TNIK: variants seen among roughly 807,000 people sequenced by gnomAD.
TNIK encodes TRAF2 and NCK interacting kinase.
In TNIK, 49 loss-of-function variants were observed where a neutral mutation model predicts 191.3. The ratio of observed to expected loss-of-function variants is 0.26; its 90% CI spans 0.20 to 0.32. The LOEUF is 0.32. Ranked by LOEUF, TNIK falls within the 10% of genes least tolerant of loss-of-function variation. The pLI is 1.00. For synonymous variants in TNIK, 594 were observed against 600.9 expected (o/e 0.99, Z 0.17); for missense variants, 1,155 against 1,702.3 (o/e 0.68, Z 5.66).
chr3:171,445,666 C>T (rs1232764792), intron 1 of TNIK, among the ~76,000 whole-genome samples: 5 of 152,106 alleles, frequency 3.3e-5, no homozygotes, highest in Non-Finnish European at 7.4e-5. Flanking sequence ...ACAGGGTATA[C>T]GTGCGAGGGG....
chr3:171,098,712 GAGGTTTACCTTAACAAAAAATAA>G (rs1314642544), intron 22 of TNIK, among the ~76,000 whole-genome samples: 2 of 152,042 alleles, frequency 1.3e-5, no homozygotes, highest in Non-Finnish European at 2.9e-5. Context: ...ACAAAATATA[GAGGTTTACCTTAACAAAAAATAA>G]AGGTAATAAG....
At chr3:171,429,094 C>A (rs1440752174) in intron 1 of TNIK, among the ~76,000 whole-genome samples, 1 of 152,182 alleles carries the variant, frequency 6.6e-6, no homozygotes, top group Non-Finnish European at 1.5e-5. Context: ...AGATCCACAA[C>A]CACGAGCTAC....
In TNIK at chr3:171,194,509, C is replaced by G; in HGVS notation, c.417+16G>C. 1 of 1,609,244 alleles carries G rather than the reference C, an allele frequency of 6.2e-7. No individual in the cohort carries two copies. Among genetic ancestry groups the G allele is most frequent in the Non-Finnish European group, 8.5e-7 (1 of 1,176,502 alleles). Reference sequence around the variant, plus strand: ...GAAGACTTTGGGAGGTGGGCCAGTCCCCACTCGTAACCTACCCGTAAGATT... The same window carrying G: ...GAAGACTTTGGGAGGTGGGCCAGTCGCCACTCGTAACCTACCCGTAAGATT... On this transcript the variant is annotated intron_variant, in intron 5 of 32. Transcript: ENST00000436636.
intron 18 of TNIK, among the ~76,000 whole-genome samples, chr3:171,121,016 A>G (rs1454075758): frequency 6.6e-6 from 1 of 152,116 alleles, no homozygotes; most frequent in East Asian, 1.9e-4. Flanking sequence ...TGAATTAAAA[A>G]CTGATAGTAA....
intron 15 of TNIK, among the ~76,000 whole-genome samples, chr3:171,134,023 A>G (rs1241085136): frequency 6.7e-6 from 1 of 150,352 alleles, no homozygotes; most frequent in Non-Finnish European, 1.5e-5. Context: ...CTTTGGTACA[A>G]TTTTTTTTTT....
chr3:171,100,638 T>C (rs1048557868), intron 22 of TNIK, among the ~76,000 whole-genome samples: 1 of 151,240 alleles, frequency 6.6e-6, no homozygotes, highest in Non-Finnish European at 1.5e-5. Flanking sequence ...ACAAACACCT[T>C]GTGCTTACTA....
intron 1 of TNIK, among the ~76,000 whole-genome samples, chr3:171,424,122 C>T (rs1462184491): frequency 6.6e-6 from 1 of 151,990 alleles, no homozygotes; most frequent in African/African-American, 2.4e-5. Context: ...ATAATGAACT[C>T]AAACAAATTT....
At chr3:171,080,065 C>T (rs765745117) in intron 27 of TNIK, among the ~76,000 whole-genome samples, 2 of 152,128 alleles carry the variant, frequency 1.3e-5, no homozygotes, top group Middle Eastern at 3.4e-3. Flanking sequence ...TTTCCTTCAC[C>T]GTATAACCTA....
intron 3 of TNIK, 57 bp downstream of exon 3, chr3:171,228,105 CTCA>C: frequency 6.3e-7 from 1 of 1,575,762 alleles, no homozygotes; most frequent in South Asian, 1.1e-5. Flanking sequence ...AGGATGTGAA[CTCA>C]TCATAAGTCA....
intron 1 of TNIK, among the ~76,000 whole-genome samples, chr3:171,406,231 T>C (rs1419663705): frequency 6.6e-6 from 1 of 152,054 alleles, no homozygotes. Flanking sequence ...ACACATTCCG[T>C]AATCTCGGAA....
At chr3:171,113,333 C>T (rs893992507) in intron 18 of TNIK, among the ~76,000 whole-genome samples, 3 of 152,080 alleles carry the variant, frequency 2.0e-5, no homozygotes, top group Non-Finnish European at 2.9e-5. Flanking sequence ...CGGCCAGGCA[C>T]GGTGGCTCAC....
chr3:171,154,312 CA>C (rs1732880715), intron 12 of TNIK, among the ~76,000 whole-genome samples: 1 of 151,052 alleles, frequency 6.6e-6, no homozygotes, highest in Non-Finnish European at 1.5e-5. Flanking sequence ...ATTTTTTGGC[CA>C]GATAGAACTG....
intron 4 of TNIK, among the ~76,000 whole-genome samples, chr3:171,205,740 G>A (rs1739981934): frequency 5.9e-5 from 9 of 152,098 alleles, no homozygotes; most frequent in Admixed American, 5.2e-4. Context: ...AACCCTCCAT[G>A]GCTCTCCCAC....
intron 2 of TNIK, among the ~76,000 whole-genome samples, chr3:171,335,299 CTTG>C (rs1449177629): frequency 3.3e-5 from 5 of 152,232 alleles, no homozygotes; most frequent in South Asian, 2.1e-4. Context: ...TTTGTTTTTT[CTTG>C]TTGAGGTATA....
chr3:171,298,798 T>C (rs1359648480), intron 2 of TNIK, among the ~76,000 whole-genome samples: 1 of 152,204 alleles, frequency 6.6e-6, no homozygotes, highest in African/African-American at 2.4e-5. Context: ...ATCTATCCTA[T>C]CCTGAAAAAA....
In TNIK at chr3:171,246,286, TAA is replaced by T. The variant is rs1553868133; in HGVS notation, c.124-18067_124-18066del. ...ACTGACACTTGGGTAGAGAACCAGA[TAA>T]AAAAAAAAAAATGCCTTTCTATTCA... is the stretch of plus-strand genomic sequence containing the variant. On this transcript the variant is annotated intron_variant, in intron 2 of 32. Coordinates refer to ENST00000436636, the MANE Select transcript of TNIK (RefSeq NM_015028.4). 2.6e-3 allele frequency among the ~76,000 whole-genome samples: 296 copies of T among 112,966 alleles called. 1 individual carries two copies. Among genetic ancestry groups the T allele is most frequent in the African/African-American group, 9.7e-3 (274 of 28,264 alleles). The allele number at this position is 112,966 out of a possible 152,430, so 74.1% of individuals were successfully genotyped here. A position where few individuals can be genotyped will look rare whatever the true frequency, so the allele number is the denominator to read the frequency against.
chr3:171,093,891 G>A lies in TNIK; in HGVS notation c.2669C>T (p.Ala890Val), dbSNP rs368871345. The change falls in exon 23 of 33, where the codon GCG becomes GTG. Residue 890 changes from alanine to valine, a missense_variant. Physicochemically the swap from Ala to Val is moderately conservative, Grantham distance 64 (BLOSUM62 0). Coordinates refer to ENST00000436636, the MANE Select transcript of TNIK (RefSeq NM_015028.4). ...TGAAATACTGCCGCTGAAACTGTCC[G>A]CATGAGAGGTCTCCAGCCCATGCGT... ...VGTHGLETSH[A>V]DSFSGSISRE... 1.8e-5 allele frequency: 29 copies of A among 1,613,662 alleles called. No individual in the cohort carries two copies. Among genetic ancestry groups the A allele is most frequent in the East Asian group, 8.9e-5 (4 of 44,870 alleles).
At chr3:171,221,298 G>A (rs1457931191) in intron 3 of TNIK, among the ~76,000 whole-genome samples, 1 of 152,166 alleles carries the variant, frequency 6.6e-6, no homozygotes, top group Admixed American at 6.5e-5. Flanking sequence ...GGGCCTCTGT[G>A]GCAAAGGAGC....
chr3:171,298,338 T>TG (rs149591435), intron 2 of TNIK, among the ~76,000 whole-genome samples: 12 of 152,230 alleles, frequency 7.9e-5, no homozygotes, highest in African/African-American at 2.2e-4. Context: ...GAACTTTTTT[T>TG]GCGAATATTC....
Sources: gnomAD v4.1 joint callset for allele counts (sites outside exome capture counted in the v4.1 genomes callset) on GRCh38, gnomAD v4.1.1 for gene constraint, MANE v1.5 for transcripts, NCBI Gene and HGNC (gene_info 2026-07-23, HGNC 2026-07-21) for gene names.